GRIK1: variants seen among roughly 807,000 people sequenced by gnomAD.
The protein encoded by GRIK1 is glutamate receptor ionotropic, kainate 1.
GRIK1 carries 69 observed loss-of-function variants against 105.7 expected under a neutral mutation model. The observed-to-expected ratio is 0.65, with a 90% CI of 0.54 to 0.80. The LOEUF (loss-of-function observed/expected upper bound fraction) is 0.80. Among genes scored for constraint, GRIK1 ranks in the 30% least tolerant of loss-of-function variants. The pLI is 0.00. For missense variants in GRIK1, 1,109 were observed against 1,167.3 expected (o/e 0.95, Z 0.73); for synonymous variants, 438 against 431.3 (o/e 1.02, Z -0.19).
At chr21:29,808,787 C>T (rs935260837) in intron 1 of GRIK1, among the ~76,000 whole-genome samples, 1 of 152,148 alleles carries the variant, frequency 6.6e-6, no homozygotes, top group African/African-American at 2.4e-5. Flanking sequence ...ATGCCCCCTG[C>T]AGTTCAAAAT....
chr21:29,716,680 G>GA (rs2064186078), intron 1 of GRIK1, among the ~76,000 whole-genome samples: 1 of 152,140 alleles, frequency 6.6e-6, no homozygotes, highest in African/African-American at 2.4e-5. Flanking sequence ...GTATCTGGTA[G>GA]AAAAAATTTC....
chr21:29,706,347 T>C (rs2063908295), intron 1 of GRIK1, among the ~76,000 whole-genome samples: 1 of 152,232 alleles, frequency 6.6e-6, no homozygotes, highest in African/African-American at 2.4e-5. Flanking sequence ...GTAGAACATC[T>C]AAAAAGCTGA....
At chr21:29,592,235 A>G (rs76769292) in intron 9 of GRIK1, among the ~76,000 whole-genome samples, 3,930 of 152,148 alleles carry the variant, frequency 0.026, 73 homozygotes, top group Middle Eastern at 0.078. Flanking sequence ...TTCTGTTATT[A>G]TTTATCTGTT....
In GRIK1 at chr21:29,537,211, C is replaced by G; in HGVS notation, c.*19G>C. ...TGTAGGGAATGCATCCTTTTTCTTC[C>G]TACAGGCGTTTCCTTGGATCACGCC... On this transcript the variant is annotated 3_prime_UTR_variant, in exon 18 of 18. Transcript: ENST00000327783. 3 of 1,560,480 alleles carry G rather than the reference C, an allele frequency of 1.9e-6. No individual in the cohort carries two copies. The highest frequency in any genetic ancestry group is 2.6e-6 in the Non-Finnish European group (3 of 1,157,746).
intron 14 of GRIK1, among the ~76,000 whole-genome samples, chr21:29,563,016 T>G (rs2090520762): frequency 6.6e-6 from 1 of 152,180 alleles, no homozygotes; most frequent in South Asian, 2.1e-4. Flanking sequence ...CAATTTTTTT[T>G]TTTAATTTTT....
At chr21:29,560,582 T>TCTCTCTCTCTC (rs1568815992) in intron 15 of GRIK1, among the ~76,000 whole-genome samples, 5 of 116,488 alleles carry the variant, frequency 4.3e-5, no homozygotes, top group African/African-American at 1.8e-4. Flanking sequence ...CTTTCTCTCT[T>TCTCTCTCTCTC]TCTTTCTTTC....
chr21:29,783,319 T>C (rs1174739019), intron 1 of GRIK1, among the ~76,000 whole-genome samples: 1 of 152,156 alleles, frequency 6.6e-6, no homozygotes, highest in Non-Finnish European at 1.5e-5. Flanking sequence ...TTTCCCATTT[T>C]CTAGTACTTA....
intron 1 of GRIK1, among the ~76,000 whole-genome samples, chr21:29,905,936 GT>G (rs199940755): frequency 2.2e-5 from 3 of 139,030 alleles, no homozygotes; most frequent in Non-Finnish European, 4.6e-5. Flanking sequence ...CCCAAAACTT[GT>G]TTTTTTTGTT....
chr21:29,640,105 T>C (rs2062480416), intron 7 of GRIK1, among the ~76,000 whole-genome samples: 1 of 150,450 alleles, frequency 6.6e-6, no homozygotes, highest in African/African-American at 2.5e-5. Flanking sequence ...TTGCTTCTTT[T>C]CATTTTTTTT....
intron 1 of GRIK1, among the ~76,000 whole-genome samples, chr21:29,903,103 C>T (rs1036045897): frequency 2.6e-5 from 4 of 152,302 alleles, no homozygotes; most frequent in Middle Eastern, 3.4e-3. Context: ...AACTGGACCC[C>T]TTCCTTACAC....
chr21:29,558,975 G>A (rs932098336), intron 15 of GRIK1, among the ~76,000 whole-genome samples: 6 of 152,088 alleles, frequency 3.9e-5, no homozygotes, highest in African/African-American at 1.2e-4. Context: ...ACGTTCTTAG[G>A]AGAGATGATA....
chr21:29,734,352 TTTTC>T (rs1197473467), intron 1 of GRIK1, among the ~76,000 whole-genome samples: 1 of 13,244 alleles, frequency 7.6e-5, no homozygotes, highest in Admixed American at 1.5e-3. Flanking sequence ...AGCACTTTTC[TTTTC>T]TTTTCTTTTC....
chr21:29,844,070 C>T (rs1233091568), intron 1 of GRIK1, among the ~76,000 whole-genome samples: 1 of 152,174 alleles, frequency 6.6e-6, no homozygotes, highest in East Asian at 1.9e-4. Flanking sequence ...TTTGGAAAGG[C>T]ACAATGTCTC....
At chr21:29,674,287 T>TTG (rs58544191) in intron 3 of GRIK1, among the ~76,000 whole-genome samples, 13,283 of 145,672 alleles carry the variant, frequency 0.091, 654 homozygotes, top group African/African-American at 0.14. Flanking sequence ...GAAGTTACAT[T>TTG]TGTGTGTGTG....
chr21:29,703,231 G>T (rs1341191008), intron 1 of GRIK1, among the ~76,000 whole-genome samples: 1 of 152,158 alleles, frequency 6.6e-6, no homozygotes, highest in Non-Finnish European at 1.5e-5. Context: ...ACTAACTTCT[G>T]TGTGCCTGTT....
chr21:29,638,130 G>T (rs879640993), intron 7 of GRIK1, among the ~76,000 whole-genome samples: 2 of 151,848 alleles, frequency 1.3e-5, no homozygotes, highest in African/African-American at 2.4e-5. Flanking sequence ...TATTTTTCCT[G>T]ACCACTACCT....
At chr21:29,694,232 T>G (rs2063647078) in intron 1 of GRIK1, among the ~76,000 whole-genome samples, 169 bp from the exon 2 acceptor site, 1 of 150,492 alleles carries the variant, frequency 6.6e-6, no homozygotes, top group South Asian at 2.1e-4. Flanking sequence ...CAAGCGATTC[T>G]CCTGCCTCAG....
chr21:29,707,424 TTC>T (rs2063933437), intron 1 of GRIK1, among the ~76,000 whole-genome samples: 1 of 15,152 alleles, frequency 6.6e-5, no homozygotes, highest in Non-Finnish European at 1.4e-4. Flanking sequence ...CTTTCTTTCT[TTC>T]CCTTCCTCCC....
chr21:29,740,545 C>T (rs2064901582), intron 1 of GRIK1, among the ~76,000 whole-genome samples: 1 of 152,046 alleles, frequency 6.6e-6, no homozygotes, highest in African/African-American at 2.4e-5. Flanking sequence ...TCACAACCAC[C>T]CCATGAGGCA....
Sources: allele counts gnomAD v4.1 joint callset (sites outside exome capture counted in the v4.1 genomes callset), GRCh38; gene constraint gnomAD v4.1.1; transcripts MANE v1.5; gene names NCBI Gene and HGNC (gene_info 2026-07-23, HGNC 2026-07-21).